RBFOX1: variants seen among roughly 807,000 people sequenced by gnomAD.
The protein encoded by RBFOX1 is RNA binding fox-1 homolog 1.
Under a neutral mutation model 57.7 loss-of-function variants are expected in RBFOX1, and 8 were observed. The observed-to-expected ratio is 0.14, with a 90% CI of 0.08 to 0.25. The LOEUF is 0.25. Ranked by LOEUF, RBFOX1 falls within the 10% of genes least tolerant of loss-of-function variation. RBFOX1 has a pLI of 1.00. For missense variants in RBFOX1, 611 were observed against 548.5 expected (o/e 1.11, Z -1.14); for synonymous variants, 326 against 222.4 (o/e 1.47, Z -4.15).
chr16:5,651,520 G>C (rs1259859041), intron 3 of RBFOX1, among the ~76,000 whole-genome samples: 2 of 152,154 alleles, frequency 1.3e-5, no homozygotes, highest in Admixed American at 6.5e-5. Context: ...TTGGGACCTG[G>C]ATCAGGTTTC....
At position 5,883,242 on chromosome 16, in the gene RBFOX1, T is replaced by C. The variant is rs2057808301; in HGVS notation, c.351+15907T>C. ...ACAAAAGCAACACATTAAATGTACA[T>C]GTTGATTTTAAAACACATTTATATT... On this transcript the variant is annotated intron_variant, in intron 4 of 19. Coordinates refer to the RBFOX1 transcript ENST00000641259. Among the ~76,000 whole-genome samples, 3 of 152,192 alleles carry C rather than the reference T, an allele frequency of 2.0e-5. No individual in the cohort carries two copies. The South Asian group carries it at 6.2e-4, about 31-fold the overall frequency.
At chr16:5,587,729 T>C (rs2151173781) in intron 2 of RBFOX1, among the ~76,000 whole-genome samples, 1 of 152,094 alleles carries the variant, frequency 6.6e-6, no homozygotes, top group Middle Eastern at 3.4e-3. Flanking sequence ...GTCAGATAAT[T>C]TTAAGTATTG....
At chr16:5,489,680 G>A (rs907763677) in intron 2 of RBFOX1, among the ~76,000 whole-genome samples, 2 of 152,184 alleles carry the variant, frequency 1.3e-5, no homozygotes, top group South Asian at 2.1e-4. Flanking sequence ...AGGAAGGGGT[G>A]TGCCCAGTGC....
chr16:7,283,144 G>T (rs1325156729), intron 4 of RBFOX1, among the ~76,000 whole-genome samples: 2 of 152,068 alleles, frequency 1.3e-5, no homozygotes, highest in Non-Finnish European at 2.9e-5. Flanking sequence ...TCAAATGGTA[G>T]TTCTACATTT....
intron 5 of RBFOX1, among the ~76,000 whole-genome samples, chr16:7,558,508 T>A (rs1279144343): frequency 1.3e-5 from 2 of 152,122 alleles, no homozygotes; most frequent in Non-Finnish European, 2.9e-5. Context: ...CGTATATGTA[T>A]ATACATATAC....
intron 2 of RBFOX1, among the ~76,000 whole-genome samples, chr16:6,572,096 C>T (rs11646691): frequency 0.33 from 50,655 of 151,992 alleles, 9,136 homozygotes; most frequent in Admixed American, 0.41. Flanking sequence ...ACTTAGCAAG[C>T]GTTCCAGGGT....
chr16:7,441,799 A>C (rs1363466261), intron 4 of RBFOX1, among the ~76,000 whole-genome samples: 1 of 152,144 alleles, frequency 6.6e-6, no homozygotes, highest in Non-Finnish European at 1.5e-5. Context: ...AGGTCAACAC[A>C]GACCCTCTTA....
chr16:6,959,385 C>T (rs1273298826), intron 3 of RBFOX1, among the ~76,000 whole-genome samples: 4 of 152,064 alleles, frequency 2.6e-5, no homozygotes, highest in African/African-American at 9.7e-5. Context: ...TTCAGAAAGT[C>T]GTTTTGTGGG....
rs1469773562 is a variant in RBFOX1, at chr16:6,859,185, GTATATATATATGTA to G, written c.-15-192860_-15-192847del. Among the ~76,000 whole-genome samples, 111 of 43,946 alleles carry G rather than the reference GTATATATATATGTA, an allele frequency of 2.5e-3. 2 individuals are homozygous for G. The Middle Eastern group carries it at 0.033, about 13-fold the overall frequency. 28.8% of individuals were successfully genotyped at this position (43,946 alleles called of 152,430 possible). On this transcript the variant is annotated intron_variant, in intron 3 of 15. Transcript: ENST00000550418. ...TATACGTATATATATGTATATATAT[GTATATATATATGTA>G]TATATATATATACAAAAATTAGTTC... is the stretch of plus-strand genomic sequence containing the variant.
intron 1 of RBFOX1, among the ~76,000 whole-genome samples, chr16:6,301,259 C>G (rs1231425910): frequency 1.3e-5 from 2 of 152,100 alleles, no homozygotes; most frequent in African/African-American, 4.8e-5. Flanking sequence ...TACATGAGTT[C>G]TGTATTTTTG....
At chr16:6,170,829 G>C (rs1346651671) in intron 1 of RBFOX1, among the ~76,000 whole-genome samples, 1 of 152,130 alleles carries the variant, frequency 6.6e-6, no homozygotes. Flanking sequence ...TTATTAGTGA[G>C]AACATGCGGT....
At chr16:6,994,114 C>T (rs932898057) in intron 3 of RBFOX1, among the ~76,000 whole-genome samples, 12 of 151,974 alleles carry the variant, frequency 7.9e-5, no homozygotes, top group African/African-American at 1.9e-4. Flanking sequence ...GATATCTGCC[C>T]GTGATGAGGG....
intron 2 of RBFOX1, among the ~76,000 whole-genome samples, chr16:6,354,359 C>T (rs1286343126): frequency 6.6e-6 from 1 of 152,188 alleles, no homozygotes; most frequent in East Asian, 1.9e-4. Flanking sequence ...GCCTGCTCTC[C>T]ACCCTATCTT....
chr16:7,326,352 G>T (rs966468417), intron 4 of RBFOX1, among the ~76,000 whole-genome samples: 1 of 152,134 alleles, frequency 6.6e-6, no homozygotes, highest in Non-Finnish European at 1.5e-5. Flanking sequence ...GTGCTGGGAA[G>T]ACCTGGCATA....
At chr16:7,014,374 G>A (rs2093800435) in intron 3 of RBFOX1, among the ~76,000 whole-genome samples, 1 of 151,068 alleles carries the variant, frequency 6.6e-6, no homozygotes, top group South Asian at 2.1e-4. Context: ...CACCACGCCT[G>A]GCTTTTTTTT....
intron 3 of RBFOX1, among the ~76,000 whole-genome samples, chr16:6,657,949 G>A (rs1420779977): frequency 1.1e-4 from 17 of 151,748 alleles, no homozygotes. Context: ...CACCTCCCCT[G>A]GCTTTCTGTC....
rs185298950 is a variant in RBFOX1, at chr16:6,836,819, T to C, written c.-16+182169T>C. The stretch of plus-strand genomic sequence containing the variant: ...GAAAGTACAGATGTTTTTTAAAAAA[T>C]CAAGTAAATATTATGTGTGAGTCCA... On this transcript the variant is annotated intron_variant, in intron 3 of 15. Transcript: ENST00000550418. 1.2e-4 allele frequency among the ~76,000 whole-genome samples: 19 copies of C among 152,302 alleles called. No individual in the cohort carries two copies. The East Asian group carries it at 2.3e-3, about 19-fold the overall frequency.
At chr16:7,345,398 C>T (rs535940908) in intron 4 of RBFOX1, among the ~76,000 whole-genome samples, 20 of 152,318 alleles carry the variant, frequency 1.3e-4, no homozygotes, top group African/African-American at 4.1e-4. Context: ...GCTGTTCGGG[C>T]AGCCCTGTAT....
intron 3 of RBFOX1, among the ~76,000 whole-genome samples, chr16:5,640,531 T>A (rs899152771): frequency 6.8e-6 from 1 of 146,440 alleles, no homozygotes; most frequent in Non-Finnish European, 1.5e-5. Flanking sequence ...CACATGCACA[T>A]ACACACATGC....
Sources: gnomAD v4.1 joint callset for allele counts (sites outside exome capture counted in the v4.1 genomes callset) on GRCh38, gnomAD v4.1.1 for gene constraint, MANE v1.5 for transcripts, NCBI Gene and HGNC (gene_info 2026-07-23, HGNC 2026-07-21) for gene names.